The following S100A9 variants were observed in gnomAD, a reference collection of about 807,000 sequenced individuals.
S100A9 encodes the protein S100 calcium binding protein A9.
Under a neutral mutation model 4.3 loss-of-function variants are expected in S100A9, and 2 were observed. That is an observed-to-expected ratio of 0.47 (90% CI 0.19 to 1.48). The LOEUF is 1.48. Ranked by LOEUF, S100A9 falls within the 40% of genes most tolerant of loss-of-function variation. The pLI is 0.24. For missense variants in S100A9, 130 were observed against 144.4 expected, an observed-to-expected ratio of 0.90 and a Z score of 0.51; for synonymous variants, 67 against 54.0, an observed-to-expected ratio of 1.24 and a Z score of -1.06.
intron 2 of S100A9, among the ~76,000 whole-genome samples, chr1:153,359,273 GC>G (rs934170661): frequency 3.3e-5 from 5 of 152,072 alleles, no homozygotes; most frequent in Admixed American, 2.0e-4. Context: ...CCCTCCCAGT[GC>G]CCCTCCCTCC....
At chr1:153,358,562 C>A in intron 2 of S100A9, 129 bp downstream of exon 2, 1 of 723,194 alleles carries the variant, frequency 1.4e-6, no homozygotes, top group Non-Finnish European at 2.2e-6. Flanking sequence ...CAAGACGCAG[C>A]GAGTGTCCTG....
intron 1 of S100A9, 147 bp downstream of exon 1, chr1:153,358,028 G>A (rs1332004892): frequency 3.0e-5 from 9 of 303,842 alleles, no homozygotes; most frequent in Non-Finnish European, 4.9e-5. Flanking sequence ...CATTTTCTTA[G>A]GTCATGTTCC....
chr1:153,358,181 A>G (rs1365875906), intron 1 of S100A9, 88 bp from the exon 2 acceptor site: 27 of 869,128 alleles, frequency 3.1e-5, no homozygotes, highest in Non-Finnish European at 4.4e-5. Flanking sequence ...TTCCCCCACT[A>G]TTTCTGTGAG....
chr1:153,359,740 G>A (rs144727932), intron 2 of S100A9, among the ~76,000 whole-genome samples: 1,587 of 145,410 alleles, frequency 0.011, 30 homozygotes, highest in African/African-American at 0.038. Flanking sequence ...CCAGGCTGGA[G>A]TGCAACGGCA....
chr1:153,360,520 A>T, intron 2 of S100A9, 124 bp from the exon 3 acceptor site: 1 of 651,648 alleles, frequency 1.5e-6, no homozygotes, highest in Non-Finnish European at 2.7e-6. Context: ...GGTCATTTTT[A>T]ATTTTTAAAT....
chr1:153,358,821 G>C (rs542326882), intron 2 of S100A9, among the ~76,000 whole-genome samples: 1 of 152,154 alleles, frequency 6.6e-6, no homozygotes, highest in African/African-American at 2.4e-5. Flanking sequence ...GGGCTGGGTG[G>C]GGTGGAGGTG....
rs1191562674 is a variant in S100A9, at chr1:153,360,629, T to C, written c.151-15T>C. The C allele has an allele frequency of 2.5e-6, 4 of 1,584,354 alleles. No homozygotes were observed. Among genetic ancestry groups the C allele is most frequent in the Non-Finnish European group, 1.7e-6 (2 of 1,159,464 alleles). On this transcript the variant is annotated splice_polypyrimidine_tract_variant and intron_variant, in intron 2 of 2. Transcript: ENST00000368738. ...GCCACACCCAGCTCTCACAGCCTTC[T>C]CTCCCCACCCGCAGAAGGAGAATAA...
intron 2 of S100A9, 122 bp downstream of exon 2, chr1:153,358,555 G>A (rs1430166057): frequency 1.3e-6 from 1 of 757,556 alleles, no homozygotes; most frequent in Non-Finnish European, 2.1e-6. Context: ...CCAGCCCCAA[G>A]ACGCAGCGAG....
chr1:153,358,855 G>A (rs1418662117), intron 2 of S100A9, among the ~76,000 whole-genome samples: 2 of 152,116 alleles, frequency 1.3e-5, no homozygotes, highest in African/African-American at 4.8e-5. Context: ...CATGAGAAGG[G>A]CCTCTTTGAG....
chr1:153,360,869 G>A lies in S100A9; in HGVS notation c.*31G>A, dbSNP rs743565. On this transcript the variant is annotated 3_prime_UTR_variant, in exon 3 of 3. Coordinates refer to ENST00000368738, the MANE Select transcript of S100A9 (RefSeq NM_002965.4). ...CAGTGGCCAAGATCACAGTGGCCAC[G>A]GCCACGGCCACAGTCATGGTGGCCA... 5.4e-4 allele frequency: 811 copies of A among 1,491,920 alleles called. 3 individuals carry two copies. In the African/African-American group the frequency reaches 0.01, roughly 19 times the overall value. The allele number at this position is 1,491,920 out of a possible 1,614,324, so 92.4% of individuals were successfully genotyped here. A position where few individuals can be genotyped will look rare whatever the true frequency, so the allele number is the denominator to read the frequency against.
chr1:153,360,862 T>TGGCCAC lies in S100A9; in HGVS notation c.*37_*42dup, dbSNP rs749255563. On this transcript the variant is annotated 3_prime_UTR_variant, in exon 3 of 3. Transcript: ENST00000368738. ...AAGACCACAGTGGCCAAGATCACAGTGGCCACGGCCACGGCCACAGTCATG... is the reference window on the plus strand; with the variant it reads ...AAGACCACAGTGGCCAAGATCACAGTGGCCACGGCCACGGCCACGGCCACAGTCATG... 31 of 1,538,496 alleles carry TGGCCAC rather than the reference T, an allele frequency of 2.0e-5. No individual in the cohort carries two copies. Among genetic ancestry groups the TGGCCAC allele is most frequent in the African/African-American group, 1.2e-4 (9 of 72,676 alleles).
At chr1:153,358,468 C>A in intron 2 of S100A9, 35 bp downstream of exon 2, 1 of 1,527,300 alleles carries the variant, frequency 6.5e-7, no homozygotes, top group Non-Finnish European at 8.8e-7. Context: ...GACCCAGCCT[C>A]ACCGCAGTTT....
intron 2 of S100A9, 49 bp from the exon 3 acceptor site, chr1:153,360,595 C>G (rs755181131): frequency 7.6e-7 from 1 of 1,315,700 alleles, no homozygotes; most frequent in Non-Finnish European, 1.1e-6. Context: ...CTCCCAGTCC[C>G]CACCTCTGGC....
At chr1:153,359,531 G>A (rs1472269108) in intron 2 of S100A9, among the ~76,000 whole-genome samples, 2 of 152,096 alleles carry the variant, frequency 1.3e-5, no homozygotes, top group South Asian at 2.1e-4. Context: ...GGGCTGCACA[G>A]GAGAGTGCTC....
At position 153,358,351 on chromosome 1, in the gene S100A9, CTG is replaced by C; in HGVS notation, c.71_72del (p.Val24GlufsTer30). 6.2e-7 allele frequency: 1 copy of C among 1,613,408 alleles called. No individual in the cohort carries two copies. Among genetic ancestry groups the C allele is most frequent in the East Asian group, 2.2e-5 (1 of 44,864 alleles). ...ATCATCAACACCTTCCACCAATACT[CTG>C]TGAAGCTGGGGCACCCAGACACCCT... On this transcript the variant is annotated frameshift_variant, in exon 2 of 3. Coordinates refer to ENST00000368738, the MANE Select transcript of S100A9 (RefSeq NM_002965.4). LOFTEE classifies it high-confidence loss of function.
chr1:153,358,233 T>G lies in S100A9; in HGVS notation c.-15-36T>G, dbSNP rs557902959. ...TCAAAGAAGCTTGACAGCATTTTCT[T>G]CTAAGTGTCCCAACTCTTGGTTTTC... On this transcript the variant is annotated intron_variant, in intron 1 of 2. Transcript: ENST00000368738. 7.7e-6 allele frequency: 11 copies of G among 1,435,456 alleles called. No homozygotes were observed. The South Asian group carries it at 1.4e-4, about 19-fold the overall frequency. The allele number at this position is 1,435,456 out of a possible 1,614,324, so 88.9% of individuals were successfully genotyped here.
chr1:153,358,507 G>A (rs1661389022), intron 2 of S100A9, 74 bp downstream of exon 2: 1 of 1,214,382 alleles, frequency 8.2e-7, no homozygotes, highest in Non-Finnish European at 1.1e-6. Context: ...GGGAGTATGG[G>A]CTACAGCAAT....
intron 2 of S100A9, 51 bp from the exon 3 acceptor site, chr1:153,360,593 C>A: frequency 7.8e-7 from 1 of 1,279,312 alleles, no homozygotes; most frequent in Non-Finnish European, 1.1e-6. Context: ...TGCTCCCAGT[C>A]CCCACCTCTG....
intron 1 of S100A9, 34 bp from the exon 2 acceptor site, chr1:153,358,235 T>G: frequency 6.9e-7 from 1 of 1,445,214 alleles, no homozygotes; most frequent in Non-Finnish European, 9.3e-7. Context: ...CATTTTCTTC[T>G]AAGTGTCCCA....
Sources: allele counts gnomAD v4.1 joint callset (sites outside exome capture counted in the v4.1 genomes callset), GRCh38; gene constraint gnomAD v4.1.1; transcripts MANE v1.5; gene names NCBI Gene and HGNC (gene_info 2026-07-23, HGNC 2026-07-21).